CCSER1: variants seen among roughly 807,000 people sequenced by gnomAD.
CCSER1 encodes coiled-coil serine rich protein 1.
A neutral mutation model predicts 82.0 loss-of-function variants in CCSER1; 41 were observed. That is an observed-to-expected ratio of 0.50 (90% confidence interval 0.39 to 0.65). CCSER1 has a LOEUF of 0.65. Among genes scored for constraint, CCSER1 ranks in the 30% least tolerant of loss-of-function variants. The probability of loss-of-function intolerance (pLI) is 0.00; values close to 1 mark genes in which losing one functional copy is unlikely to be tolerated. For synonymous variants in CCSER1, 414 were observed against 383.9 expected, an observed-to-expected ratio of 1.08 and a Z score of -0.92; for missense variants, 1,119 against 1,064.2, an observed-to-expected ratio of 1.05 and a Z score of -0.72.
At chr4:90,208,987 A>AT (rs1316780663) in intron 1 of CCSER1, among the ~76,000 whole-genome samples, 1 of 151,890 alleles carries the variant, frequency 6.6e-6, no homozygotes, top group Non-Finnish European at 1.5e-5. Context: ...ACATCTACCT[A>AT]TTTTTTCTTA....
At chr4:91,410,838 C>T (rs1752978089) in intron 10 of CCSER1, among the ~76,000 whole-genome samples, 1 of 151,984 alleles carries the variant, frequency 6.6e-6, no homozygotes, top group Non-Finnish European at 1.5e-5. Flanking sequence ...ATCCAACAAA[C>T]ATGATTTATG....
chr4:90,523,718 A>G (rs1773409691), intron 5 of CCSER1, among the ~76,000 whole-genome samples: 1 of 152,098 alleles, frequency 6.6e-6, no homozygotes. Context: ...CATCATCTGG[A>G]AAGATGATTT....
intron 3 of CCSER1, among the ~76,000 whole-genome samples, chr4:90,326,835 G>A (rs780627575): frequency 9.9e-5 from 15 of 152,166 alleles, no homozygotes; most frequent in Non-Finnish European, 1.6e-4. Flanking sequence ...GAGGTTTGGA[G>A]GGTTGGGTGT....
rs550170621 is a variant in CCSER1 at position 91,539,084 on chromosome 4, A to T, written c.2218-59488A>T. ...TCTCACTTTTGCCTTCTCTAGATTG[A>T]ATCATCCAATTGTTTTAGTTAACTT... On this transcript the variant is annotated intron_variant, in intron 10 of 10. Transcript: ENST00000509176. 3.3e-5 allele frequency among the ~76,000 whole-genome samples: 5 copies of T among 152,124 alleles called. No individual in the cohort carries two copies. The East Asian group carries it at 9.7e-4, about 29-fold the overall frequency.
chr4:91,024,061 A>T (rs903797989), intron 9 of CCSER1, among the ~76,000 whole-genome samples: 8 of 152,132 alleles, frequency 5.3e-5, no homozygotes, highest in African/African-American at 1.9e-4. Context: ...CAGTGCTAAC[A>T]TGCTAGCTCA....
At chr4:90,705,165 T>C (rs1739070743) in intron 6 of CCSER1, among the ~76,000 whole-genome samples, 1 of 152,212 alleles carries the variant, frequency 6.6e-6, no homozygotes, top group Admixed American at 6.5e-5. Flanking sequence ...TGGATGTCCT[T>C]GCTGTTTGTT....
intron 10 of CCSER1, among the ~76,000 whole-genome samples, chr4:91,172,790 G>A (rs1254493384): frequency 6.6e-6 from 1 of 151,426 alleles, no homozygotes; most frequent in African/African-American, 2.4e-5. Context: ...TGATTGGTTT[G>A]GGCTTAATGC....
chr4:91,074,399 A>C (rs1044597816), intron 9 of CCSER1, among the ~76,000 whole-genome samples: 2 of 152,200 alleles, frequency 1.3e-5, no homozygotes, highest in African/African-American at 4.8e-5. Flanking sequence ...TGCCACTAAC[A>C]TCAGTGCATG....
At chr4:90,780,934 A>C (rs540805491) in intron 7 of CCSER1, 4 of 378,264 alleles carry the variant, frequency 1.1e-5, no homozygotes, top group Non-Finnish European at 1.5e-5. Context: ...ACTGTACAGG[A>C]AGCATAGTAG....
At chr4:90,177,785 T>C (rs898372660) in intron 1 of CCSER1, among the ~76,000 whole-genome samples, 3 of 152,108 alleles carry the variant, frequency 2.0e-5, no homozygotes, top group African/African-American at 7.2e-5. Flanking sequence ...CAGTATCTCA[T>C]AGCAAGTGAC....
intron 1 of CCSER1, among the ~76,000 whole-genome samples, chr4:90,291,605 A>G (rs1251691131): frequency 1.3e-5 from 2 of 152,086 alleles, no homozygotes; most frequent in Admixed American, 6.6e-5. Flanking sequence ...AAAGAAGACA[A>G]TTTACTGAAT....
chr4:91,135,713 T>C (rs1728399153), intron 10 of CCSER1, among the ~76,000 whole-genome samples: 1 of 135,034 alleles, frequency 7.4e-6, no homozygotes, highest in African/African-American at 2.7e-5. Context: ...AGAAGAAAAG[T>C]TGGGTGAGAG....
At position 90,302,113 on chromosome 4, in the gene CCSER1, G is replaced by C. The variant is rs80337217; in HGVS notation, c.-41-6131G>C. On this transcript the variant is annotated intron_variant, in intron 1 of 10. Coordinates refer to ENST00000509176, the MANE Select transcript of CCSER1 (RefSeq NM_001145065.2). Reference sequence around the variant, plus strand: ...TGAGACAGAAAATATATTTATGTAGGTTTGAAATCCTGAAGTGTTGAAGCT... The same window carrying C: ...TGAGACAGAAAATATATTTATGTAGCTTTGAAATCCTGAAGTGTTGAAGCT... Among the ~76,000 whole-genome samples the C allele has an allele frequency of 5.4e-3, 823 of 152,234 alleles. 1 individual carries two copies. The highest frequency in any genetic ancestry group is 8.8e-3 in the Non-Finnish European group (598 of 68,020).
At chr4:90,848,434 C>G in intron 8 of CCSER1, among the ~76,000 whole-genome samples, 1 of 152,164 alleles carries the variant, frequency 6.6e-6, no homozygotes, top group Non-Finnish European at 1.5e-5. Context: ...AAGTAAATTT[C>G]TTTCTTTCCC....
intron 3 of CCSER1, among the ~76,000 whole-genome samples, chr4:90,322,716 T>C (rs991120643): frequency 6.6e-6 from 1 of 152,198 alleles, no homozygotes; most frequent in Non-Finnish European, 1.5e-5. Flanking sequence ...TTATTGCTGT[T>C]GTAAATGGTA....
intron 10 of CCSER1, among the ~76,000 whole-genome samples, chr4:91,143,387 T>G (rs548789966): frequency 6.6e-6 from 1 of 152,234 alleles, no homozygotes; most frequent in Non-Finnish European, 1.5e-5. Flanking sequence ...TTTGGCAGAT[T>G]ATGTAGCATT....
At chr4:91,024,343 T>G (rs1740296464) in intron 9 of CCSER1, among the ~76,000 whole-genome samples, 2 of 152,186 alleles carry the variant, frequency 1.3e-5, no homozygotes, top group Admixed American at 1.3e-4. Flanking sequence ...AACAGAAAAC[T>G]ATTCTGTATG....
rs150440464 is a variant in CCSER1 at position 90,738,467 on chromosome 4, C to T, written c.2010+14476C>T. Among the ~76,000 whole-genome samples, 382 of 152,212 alleles carry T rather than the reference C, an allele frequency of 2.5e-3. 1 individual carries two copies. Among genetic ancestry groups the T allele is most frequent in the African/African-American group, 8.6e-3 (356 of 41,534 alleles). On this transcript the variant is annotated intron_variant, in intron 7 of 10. Coordinates refer to ENST00000509176, the MANE Select transcript of CCSER1 (RefSeq NM_001145065.2). ...TTGTTTTCTCTTACTTTCCCCCAAA[C>T]ATAGTCTCTCCCACTATTTTGGGTT...
chr4:91,246,214 C>T (rs1022787287), intron 10 of CCSER1, among the ~76,000 whole-genome samples: 3 of 152,074 alleles, frequency 2.0e-5, no homozygotes, highest in Non-Finnish European at 4.4e-5. Context: ...AGTTAAAAAG[C>T]AGGGTGACAA....
Sources: gnomAD v4.1 joint callset for allele counts (sites outside exome capture counted in the v4.1 genomes callset) on GRCh38, gnomAD v4.1.1 for gene constraint, MANE v1.5 for transcripts, NCBI Gene and HGNC (gene_info 2026-07-23, HGNC 2026-07-21) for gene names.